The following SYNE3 variants were observed in gnomAD, a reference collection of about 807,000 sequenced individuals.
The protein encoded by SYNE3 is nesprin-3.
A neutral mutation model predicts 111.2 loss-of-function variants in SYNE3; 100 were observed. That is an observed-to-expected ratio of 0.90 (90% confidence interval 0.77 to 1.06). The LOEUF (loss-of-function observed/expected upper bound fraction) is 1.06, where lower values mean the gene tolerates loss of function less well. Among genes scored for constraint, SYNE3 ranks in the 50% least tolerant of loss-of-function variants. SYNE3 has a pLI of 0.00. For synonymous variants in SYNE3, 547 were observed against 533.9 expected, an observed-to-expected ratio of 1.02 and a Z score of -0.34; for missense variants, 1,160 against 1,240.3, an observed-to-expected ratio of 0.94 and a Z score of 0.97.
rs117097246 is a variant in SYNE3, at chr14:95,412,562, C to A, written c.*5264G>T. On this transcript the variant is annotated 3_prime_UTR_variant, in exon 18 of 18. Coordinates refer to ENST00000682763, the MANE Select transcript of SYNE3 (RefSeq NM_152592.6). ...AAAGCCGCAGACCCCGGACAGCATC[C>A]GAATGGCCAGTGGGAAGGCAGGGCC... 1 of 152,254 alleles carries A rather than the reference C, an allele frequency of 6.6e-6. No homozygotes were observed. The highest frequency in any genetic ancestry group is 2.1e-4 in the South Asian group (1 of 4,832). 9.4% of individuals were successfully genotyped at this position (152,254 alleles called of 1,614,324 possible).
chr14:95,512,780 C>T (rs549647637), intron 1 of SYNE3, among the ~76,000 whole-genome samples: 2 of 152,170 alleles, frequency 1.3e-5, no homozygotes, highest in African/African-American at 4.8e-5. Context: ...ATGGCGTAAA[C>T]CCGGCAGGTG....
intron 17 of SYNE3, among the ~76,000 whole-genome samples, chr14:95,424,955 A>G (rs1885350198): frequency 6.6e-6 from 1 of 152,206 alleles, no homozygotes; most frequent in Non-Finnish European, 1.5e-5. Context: ...GAAATGAGCT[A>G]TTGGCCTGGC....
intron 3 of SYNE3, 116 bp from the exon 4 acceptor site, chr14:95,466,356 G>C: frequency 8.0e-7 from 1 of 1,243,550 alleles, no homozygotes; most frequent in Non-Finnish European, 1.1e-6. Flanking sequence ...GGGGCATGAT[G>C]ATGCCCTTTC....
At chr14:95,463,451 C>T (rs1887968718) in intron 4 of SYNE3, among the ~76,000 whole-genome samples, 2 of 152,238 alleles carry the variant, frequency 1.3e-5, no homozygotes, top group Non-Finnish European at 2.9e-5. Flanking sequence ...CAAACCTGCA[C>T]ACACACCAAC....
At chr14:95,471,328 C>T (rs1356371456) in intron 2 of SYNE3, among the ~76,000 whole-genome samples, 2 of 152,232 alleles carry the variant, frequency 1.3e-5, no homozygotes, top group Non-Finnish European at 2.9e-5. Flanking sequence ...AGCCTGGTGT[C>T]CTGACTGTGT....
chr14:95,417,830 G>C lies in SYNE3; in HGVS notation c.2924C>G (p.Thr975Ser). The change falls in exon 18 of 18, where the codon ACC becomes AGC. Residue 975 changes from threonine (T) to serine (S), a missense_variant. Coordinates refer to ENST00000682763, the MANE Select transcript of SYNE3 (RefSeq NM_152592.6). ...TCACCTGTGTGCCCCAGTGGGTTAGGTGGGTGGTGGGCCATTGTAGCGCAG... is the reference window on the plus strand; with the variant it reads ...TCACCTGTGTGCCCCAGTGGGTTAGCTGGGTGGTGGGCCATTGTAGCGCAG... ...LMLRYNGPPP[T>S] 6.2e-7 allele frequency: 1 copy of C among 1,614,250 alleles called. No homozygotes were observed. The highest frequency in any genetic ancestry group is 8.5e-7 in the Non-Finnish European group (1 of 1,180,046).
In SYNE3 at chr14:95,475,882, G is replaced by A. The variant is rs74080791; in HGVS notation, c.-14-47C>T. 3.3e-4 allele frequency: 454 copies of A among 1,386,416 alleles called. 1 individual carries two copies. In the African/African-American group the frequency reaches 6.1e-3, roughly 19 times the overall value. 85.9% of individuals were successfully genotyped at this position (1,386,416 alleles called of 1,614,324 possible). On this transcript the variant is annotated intron_variant, in intron 1 of 17. Coordinates refer to ENST00000682763, the MANE Select transcript of SYNE3 (RefSeq NM_152592.6). ...AGGCCAACAGGCAGGAATGTAGGGG[G>A]CTGCAAAAAGACCCCCGGCAGGACA...
At chr14:95,430,716 T>C (rs12432294) in intron 17 of SYNE3, among the ~76,000 whole-genome samples, 36,044 of 151,360 alleles carry the variant, frequency 0.24, 6,100 homozygotes, top group African/African-American at 0.48. Context: ...CCCAGCTACT[T>C]GGGAGGCTGA....
At chr14:95,452,204 C>G (rs200370184) in intron 7 of SYNE3, 43 bp downstream of exon 7, 5 of 1,497,548 alleles carry the variant, frequency 3.3e-6, no homozygotes, top group African/African-American at 2.8e-5. Flanking sequence ...AATGTGGGTT[C>G]CAGCACACCC....
Position 95,440,082 on chromosome 14 carries a change from C to A in SYNE3, c.1912-7G>T. The A allele has an allele frequency of 6.3e-7, 1 of 1,592,290 alleles. No individual in the cohort carries two copies. Among genetic ancestry groups the A allele is most frequent in the East Asian group, 2.2e-5 (1 of 44,694 alleles). Reference sequence around the variant, plus strand: ...GACACCTGTCCACAAGGTCCTGCAGCACAGCCCGGGGAGCCCAGGGCATCC... The same window carrying A: ...GACACCTGTCCACAAGGTCCTGCAGAACAGCCCGGGGAGCCCAGGGCATCC... On this transcript the variant is annotated splice_region_variant and splice_polypyrimidine_tract_variant and intron_variant, in intron 11 of 17. Transcript: ENST00000682763.
At chr14:95,510,465 A>C (rs1890682580) in intron 1 of SYNE3, among the ~76,000 whole-genome samples, 1 of 152,228 alleles carries the variant, frequency 6.6e-6, no homozygotes, top group Non-Finnish European at 1.5e-5. Flanking sequence ...GAAGGCAGGA[A>C]GAATATCTTT....
In SYNE3 at chr14:95,439,659, C is replaced by A. The variant is rs1042052154; in HGVS notation, c.2199G>T (p.Leu733=). 6.2e-7 allele frequency: 1 copy of A among 1,613,882 alleles called. No individual in the cohort carries two copies. The highest frequency in any genetic ancestry group is 1.1e-5 in the South Asian group (1 of 91,078). The part of the protein sequence containing the change: ...AAVVQEELRE[L]AESWRALRLL... ...GCCTCAAGGCCCGCCACGACTCTGC[C>A]AGCTCCCTGAGCTCCTCCTGCACCA... Residue 733 remains leucine (L), a synonymous_variant, in exon 13 of 18, where the codon CTG becomes CTT. Transcript: ENST00000682763.
intron 7 of SYNE3, 74 bp from the exon 8 acceptor site, chr14:95,450,179 A>G: frequency 6.7e-7 from 1 of 1,492,678 alleles, no homozygotes. Flanking sequence ...GCCTCCGCCA[A>G]GACCCTCAAG....
intron 10 of SYNE3, chr14:95,444,258 GAC>G: frequency 1.9e-6 from 1 of 524,144 alleles, no homozygotes; most frequent in South Asian, 4.1e-5. Flanking sequence ...TAAACAGAAA[GAC>G]AGTTTGTCAT....
At chr14:95,490,078 C>A (rs1014104847) in intron 1 of SYNE3, among the ~76,000 whole-genome samples, 14 of 152,312 alleles carry the variant, frequency 9.2e-5, no homozygotes, top group African/African-American at 3.1e-4. Flanking sequence ...GACGAGTGAG[C>A]TTTAAGTTGG....
intron 2 of SYNE3, among the ~76,000 whole-genome samples, chr14:95,472,196 G>A (rs1888570206): frequency 6.6e-6 from 1 of 152,252 alleles, no homozygotes; most frequent in Non-Finnish European, 1.5e-5. Context: ...AAGATATATT[G>A]AAGGATGAAT....
intron 4 of SYNE3, 68 bp from the exon 5 acceptor site, chr14:95,457,406 C>T (rs1232011196): frequency 1.7e-5 from 26 of 1,565,768 alleles, no homozygotes; most frequent in South Asian, 1.1e-4. Flanking sequence ...CCAGAAAGCC[C>T]GTAGCCTGCC....
chr14:95,491,667 C>T (rs890971305), intron 1 of SYNE3, among the ~76,000 whole-genome samples: 1 of 151,516 alleles, frequency 6.6e-6, no homozygotes, highest in Non-Finnish European at 1.5e-5. Flanking sequence ...TTGGAATACG[C>T]AATGGTTTCT....
At chr14:95,458,558 C>T (rs1198494796) in intron 4 of SYNE3, among the ~76,000 whole-genome samples, 1 of 152,220 alleles carries the variant, frequency 6.6e-6, no homozygotes, top group Non-Finnish European at 1.5e-5. Flanking sequence ...AACTGCAGTA[C>T]TAACCCCAGG....
Sources: gnomAD v4.1 joint callset for allele counts (sites outside exome capture counted in the v4.1 genomes callset) on GRCh38, gnomAD v4.1.1 for gene constraint, MANE v1.5 for transcripts, NCBI Gene and HGNC (gene_info 2026-07-23, HGNC 2026-07-21) for gene names.